Variants in PCDHA10 observed in about 807,000 individuals in gnomAD.
The protein encoded by PCDHA10 is protocadherin alpha-10.
PCDHA10 carries 45 observed loss-of-function variants against 61.2 expected under a neutral mutation model. The ratio of observed to expected loss-of-function variants is 0.74; its 90% CI spans 0.58 to 0.94. PCDHA10 has a LOEUF of 0.94. Ranked by LOEUF, PCDHA10 falls within the 40% of genes least tolerant of loss-of-function variation. The pLI is 0.00. For missense variants in PCDHA10, 1,278 were observed against 1,236.2 expected (o/e 1.03, Z -0.51); for synonymous variants, 602 against 548.8 (o/e 1.10, Z -1.35).
intron 1 of PCDHA10, among the ~76,000 whole-genome samples, chr5:140,937,010 C>A (rs2091260078): frequency 6.6e-6 from 1 of 151,324 alleles, no homozygotes; most frequent in Non-Finnish European, 1.5e-5. Context: ...GACAGACAAC[C>A]GATTAACAAG....
chr5:140,903,357 T>C (rs1554190932), intron 1 of PCDHA10, among the ~76,000 whole-genome samples: 1 of 152,166 alleles, frequency 6.6e-6, no homozygotes, highest in African/African-American at 2.4e-5. Flanking sequence ...AAACAAGTTT[T>C]TCAAAAATAT....
At chr5:140,890,917 G>C (rs1465334645) in intron 1 of PCDHA10, among the ~76,000 whole-genome samples, 3 of 152,116 alleles carry the variant, frequency 2.0e-5, no homozygotes, top group Non-Finnish European at 4.4e-5. Context: ...AATAATTTGA[G>C]AGTTTCCTTT....
At chr5:140,869,953 A>G (rs781865487) in intron 1 of PCDHA10, 10 of 1,612,868 alleles carry the variant, frequency 6.2e-6, no homozygotes, top group Middle Eastern at 3.3e-4. Context: ...CTTAATGTCA[A>G]TTAAGCCCAA....
intron 1 of PCDHA10, among the ~76,000 whole-genome samples, chr5:140,949,849 G>A (rs1381006146): frequency 5.9e-5 from 9 of 151,472 alleles, no homozygotes; most frequent in Admixed American, 2.0e-4. Flanking sequence ...TTCTGTTTCC[G>A]CTTATCTGTT....
At chr5:140,964,199 A>C (rs1183847716) in intron 1 of PCDHA10, among the ~76,000 whole-genome samples, 1 of 152,240 alleles carries the variant, frequency 6.6e-6, no homozygotes, top group Admixed American at 6.5e-5. Context: ...AGAGTATACC[A>C]TCTCTTTAGT....
intron 1 of PCDHA10, chr5:140,927,194 T>C (rs2083959275): frequency 1.2e-6 from 2 of 1,614,122 alleles, no homozygotes; most frequent in Non-Finnish European, 1.7e-6. Context: ...GACCTGGTGC[T>C]CGAGGACCCG....
chr5:140,947,020 G>A (rs782772876), intron 1 of PCDHA10, among the ~76,000 whole-genome samples: 3 of 151,616 alleles, frequency 2.0e-5, no homozygotes, highest in Non-Finnish European at 4.4e-5. Flanking sequence ...AATGTTTGAG[G>A]TAATGGATAT....
chr5:140,999,183 AG>A (rs1233229901), intron 3 of PCDHA10, among the ~76,000 whole-genome samples: 2 of 152,200 alleles, frequency 1.3e-5, no homozygotes, highest in East Asian at 1.9e-4. Flanking sequence ...TGATGGGGAG[AG>A]GGTCCTTGGA....
intron 3 of PCDHA10, among the ~76,000 whole-genome samples, chr5:141,008,352 A>T (rs549122044): frequency 6.6e-6 from 1 of 152,204 alleles, no homozygotes; most frequent in Non-Finnish European, 1.5e-5. Flanking sequence ...TTCACGTGTC[A>T]ACCAAAGGAG....
rs571391051 is a variant in PCDHA10 at position 140,964,645 on chromosome 5, A to G, written c.2389-14304A>G. Among the ~76,000 whole-genome samples the G allele has an allele frequency of 4.6e-5, 7 of 152,152 alleles. No individual in the cohort carries two copies. The East Asian group carries it at 7.7e-4, about 17-fold the overall frequency. ...TATAAGCCATTTATTTTCAGAAACA[A>G]GTAATGGGTGAGGACACAGGCCAGG... is the stretch of plus-strand genomic sequence containing the variant. On this transcript the variant is annotated intron_variant, in intron 1 of 3. Coordinates refer to ENST00000307360, the MANE Select transcript of PCDHA10 (RefSeq NM_018901.4).
In PCDHA10 at chr5:141,009,782, C is replaced by G; in HGVS notation, c.2692C>G (p.Arg898Gly). ...AGGATCTCCTGCAATCATCTCCATC[C>G]GGCAGGAGCCTACTAACAGCCAAAT... ...IPGSPAIISI[R>G]QEPTNSQIDK... Residue 898 changes from arginine to glycine, a missense_variant, in exon 4 of 4, where the codon CGG becomes GGG. By Grantham distance (125) the Arg-to-Gly change is moderately radical. Transcript: ENST00000307360. 1.2e-6 allele frequency: 2 copies of G among 1,614,074 alleles called. No homozygotes were observed. Among genetic ancestry groups the G allele is most frequent in the Non-Finnish European group, 1.7e-6 (2 of 1,180,012 alleles).
In PCDHA10 at chr5:140,857,752, C is replaced by T. The variant is rs7725388; in HGVS notation, c.1704C>T (p.Pro568=). The change falls in exon 1 of 4, where the codon CCC becomes CCT. Residue 568 remains proline (P), a synonymous_variant. Coordinates refer to ENST00000307360, the MANE Select transcript of PCDHA10 (RefSeq NM_018901.4). ...ACGCTCCCGCGCTGCTGGCGTCTCCCGCTGGCAGCGCGGGCGGTGCAGTCA... is the reference window on the plus strand; with the variant it reads ...ACGCTCCCGCGCTGCTGGCGTCTCCTGCTGGCAGCGCGGGCGGTGCAGTCA... ...NDNAPALLAS[P]AGSAGGAVSE... is the part of the protein sequence containing the mutation. The T allele has an allele frequency of 7.5e-6, 12 of 1,597,052 alleles. 1 individual carries two copies. The highest frequency in any genetic ancestry group is 9.4e-6 in the Non-Finnish European group (11 of 1,167,514).
chr5:140,962,791 T>G (rs998586099), intron 1 of PCDHA10, among the ~76,000 whole-genome samples: 19 of 152,252 alleles, frequency 1.2e-4, no homozygotes, highest in Admixed American at 1.1e-3. Context: ...TAAAAACTAC[T>G]TTGGACAACT....
chr5:140,931,209 A>C (rs1554208285), intron 1 of PCDHA10, among the ~76,000 whole-genome samples: 1 of 152,184 alleles, frequency 6.6e-6, no homozygotes, highest in African/African-American at 2.4e-5. Context: ...CTAGTATTTC[A>C]GGTATCAGAG....
At chr5:140,920,388 T>C (rs1237249131) in intron 1 of PCDHA10, among the ~76,000 whole-genome samples, 1 of 152,214 alleles carries the variant, frequency 6.6e-6, no homozygotes, top group Non-Finnish European at 1.5e-5. Context: ...CATATTACCA[T>C]CTGGTGTCTT....
At chr5:140,996,842 T>C (rs2097749816) in intron 3 of PCDHA10, among the ~76,000 whole-genome samples, 1 of 152,240 alleles carries the variant, frequency 6.6e-6, no homozygotes, top group African/African-American at 2.4e-5. Context: ...TTAGCGTGCA[T>C]CTTCAGAATT....
At chr5:140,951,523 G>A (rs868992487) in intron 1 of PCDHA10, among the ~76,000 whole-genome samples, 1 of 151,994 alleles carries the variant, frequency 6.6e-6, no homozygotes, top group Non-Finnish European at 1.5e-5. Context: ...ATCTTACATG[G>A]CCGGTGCAGG....
intron 1 of PCDHA10, chr5:140,876,840 G>C: frequency 6.2e-7 from 1 of 1,614,166 alleles, no homozygotes; most frequent in Non-Finnish European, 8.5e-7. Flanking sequence ...CTGCGTTCGC[G>C]CAGCCCGAGT....
intron 3 of PCDHA10, among the ~76,000 whole-genome samples, chr5:141,005,068 A>C (rs1314916800): frequency 6.6e-6 from 1 of 152,256 alleles, no homozygotes. Flanking sequence ...GCATTGTGCT[A>C]AGGATCAAGC....
Sources: allele counts gnomAD v4.1 joint callset (sites outside exome capture counted in the v4.1 genomes callset), GRCh38; gene constraint gnomAD v4.1.1; transcripts MANE v1.5; gene names NCBI Gene and HGNC (gene_info 2026-07-23, HGNC 2026-07-21).